Variants in ADCY9 observed in about 807,000 individuals in gnomAD.
The protein encoded by ADCY9 is adenylate cyclase type 9.
In ADCY9, 50 loss-of-function variants were observed where a neutral mutation model predicts 101.5. The ratio of observed to expected loss-of-function variants is 0.49; its 90% CI spans 0.39 to 0.62. The LOEUF (loss-of-function observed/expected upper bound fraction) is 0.62, where lower values mean the gene tolerates loss of function less well. Among genes scored for constraint, ADCY9 ranks in the 20% least tolerant of loss-of-function variants. The probability of loss-of-function intolerance (pLI) is 0.00; values close to 1 mark genes in which losing one functional copy is unlikely to be tolerated. For synonymous variants in ADCY9, 905 were observed against 769.3 expected (o/e 1.18, Z -2.92); for missense variants, 1,662 against 1,800.4 (o/e 0.92, Z 1.39).
chr16:3,988,975 C>T lies in ADCY9; in HGVS notation c.2310+19G>A. ...ACAAACACATTCTTTAGTAAAAGCG[C>T]AAGGAGAAATGAACGCACCTCTTCC... On this transcript the variant is annotated intron_variant, in intron 6 of 10. Transcript: ENST00000294016. 1 of 1,580,864 alleles carries T rather than the reference C, an allele frequency of 6.3e-7. No homozygotes were observed. The highest frequency in any genetic ancestry group is 8.7e-7 in the Non-Finnish European group (1 of 1,150,156).
intron 2 of ADCY9, among the ~76,000 whole-genome samples, chr16:4,051,428 G>A (rs954984229): frequency 5.3e-5 from 8 of 152,086 alleles, no homozygotes; most frequent in African/African-American, 1.9e-4. Flanking sequence ...GGAGACTGAG[G>A]CGGGAGAATG....
At chr16:3,988,454 T>TTCCCTTCCAGGGCAGGGGGGGGGG (rs2056214094) in intron 6 of ADCY9, among the ~76,000 whole-genome samples, 1 of 85,714 alleles carries the variant, frequency 1.2e-5, no homozygotes, top group African/African-American at 4.5e-5. Context: ...AGGTGGGGGG[T>TTCCCTTCCAGGGCAGGGGGGGGGG]TCCCTTCCAG....
chr16:4,061,266 C>T (rs568716877), intron 2 of ADCY9, among the ~76,000 whole-genome samples: 7 of 152,030 alleles, frequency 4.6e-5, no homozygotes, highest in East Asian at 1.9e-4. Context: ...CAAAAGAAAA[C>T]GAAGCAAAAG....
chr16:4,072,083 G>A (rs184382106), intron 2 of ADCY9, among the ~76,000 whole-genome samples: 3 of 152,296 alleles, frequency 2.0e-5, no homozygotes, highest in East Asian at 1.9e-4. Flanking sequence ...GACTGAAGAC[G>A]ATTTAAAAGC....
At position 4,071,711 on chromosome 16, in the gene ADCY9, T is replaced by C. The variant is rs541136871; in HGVS notation, c.1693+42039A>G. On this transcript the variant is annotated intron_variant, in intron 2 of 10. Transcript: ENST00000294016. ...CCATTTCCTGGCTGCAACAAGTCTC[T>C]AAAGAAGAACCGAGTTTTAATTTTC... 2.0e-5 allele frequency among the ~76,000 whole-genome samples: 3 copies of C among 152,320 alleles called. No homozygotes were observed. In the South Asian group the frequency reaches 6.2e-4, roughly 32 times the overall value.
At chr16:3,957,252 G>GA (rs2055912536) in intron 5 of ADCY9, among the ~76,000 whole-genome samples, 1 of 152,244 alleles carries the variant, frequency 6.6e-6, no homozygotes, top group South Asian at 2.1e-4. Flanking sequence ...CTGATAAACA[G>GA]AAAAGCCTTC....
intron 2 of ADCY9, among the ~76,000 whole-genome samples, chr16:4,096,729 T>C (rs2141194485): frequency 6.6e-6 from 1 of 152,342 alleles, no homozygotes; most frequent in South Asian, 2.1e-4. Flanking sequence ...GCCTTAATGG[T>C]ATATTGCATT....
intron 3 of ADCY9, among the ~76,000 whole-genome samples, chr16:3,997,464 T>C (rs2056296378): frequency 6.6e-6 from 1 of 152,182 alleles, no homozygotes; most frequent in Non-Finnish European, 1.5e-5. Context: ...TACATCCCCT[T>C]GAACAGAGGC....
downstream of ADCY9, among the ~76,000 whole-genome samples, chr16:3,960,561 A>G (rs953150348): frequency 1.3e-5 from 2 of 152,140 alleles, no homozygotes; most frequent in Non-Finnish European, 2.9e-5. Context: ...CAAAAAATCA[A>G]AAGTTGTTTT....
At chr16:4,095,215 G>A (rs2141192991) in intron 2 of ADCY9, among the ~76,000 whole-genome samples, 1 of 152,022 alleles carries the variant, frequency 6.6e-6, no homozygotes, top group Middle Eastern at 3.4e-3. Flanking sequence ...TGGCCAGGCT[G>A]ATCTCGAACT....
At position 4,099,357 on chromosome 16, in the gene ADCY9, T is replaced by C. The variant is rs75835965; in HGVS notation, c.1693+14393A>G. Among the ~76,000 whole-genome samples, 1,216 of 152,328 alleles carry C rather than the reference T, an allele frequency of 8.0e-3. 8 individuals carry two copies. Among genetic ancestry groups the C allele is most frequent in the Non-Finnish European group, 0.013 (901 of 68,028 alleles). On this transcript the variant is annotated intron_variant, in intron 2 of 10. Transcript: ENST00000294016. The stretch of plus-strand genomic sequence containing the variant: ...CAATTGTAGGAATGCAAATTAAAGC[T>C]TCCAAGGAACTCGAAGATGCACAAA...
At position 3,963,723 on chromosome 16, in the gene ADCY9, C is replaced by A. The variant is rs186140318; in HGVS notation, c.*2052G>T. The A allele has an allele frequency of 2.3e-5, 5 of 216,010 alleles. No individual in the cohort carries two copies. In the South Asian group the frequency reaches 5.6e-4, roughly 24 times the overall value. 13.4% of individuals were successfully genotyped at this position (216,010 alleles called of 1,614,324 possible). The stretch of plus-strand genomic sequence containing the variant: ...CGCCCAGCCCCTCAAAGCTACACAG[C>A]CTGGAGGGGAAAGGGGAGGGGAGGA... On this transcript the variant is annotated 3_prime_UTR_variant, in exon 11 of 11. Coordinates refer to ENST00000294016, the MANE Select transcript of ADCY9 (RefSeq NM_001116.4).
chr16:4,068,946 T>C (rs73492524), intron 2 of ADCY9, among the ~76,000 whole-genome samples: 543 of 152,278 alleles, frequency 3.6e-3, no homozygotes, highest in African/African-American at 0.012. Context: ...TAATAGATGT[T>C]CAAGTGATTT....
At chr16:4,085,149 G>A (rs141360876) in intron 2 of ADCY9, among the ~76,000 whole-genome samples, 2,319 of 152,254 alleles carry the variant, frequency 0.015, 52 homozygotes, top group Non-Finnish European at 0.026. Flanking sequence ...ATCGCTTGAG[G>A]TCAGGAGTTC....
chr16:4,035,299 T>C (rs892812059), intron 2 of ADCY9, among the ~76,000 whole-genome samples: 1 of 152,212 alleles, frequency 6.6e-6, no homozygotes, highest in African/African-American at 2.4e-5. Flanking sequence ...GATATATATT[T>C]ACTTATGCAT....
chr16:4,027,544 G>A (rs2601816), intron 2 of ADCY9, among the ~76,000 whole-genome samples: 1 of 152,200 alleles, frequency 6.6e-6, no homozygotes, highest in African/African-American at 2.4e-5. Context: ...TGACGGCAGG[G>A]AAGAGAGAGA....
chr16:4,109,299 G>C (rs535110486), intron 2 of ADCY9, among the ~76,000 whole-genome samples: 1 of 152,208 alleles, frequency 6.6e-6, no homozygotes, highest in South Asian at 2.1e-4. Flanking sequence ...GTGCAATCAC[G>C]GCTCTCTGCA....
intron 2 of ADCY9, among the ~76,000 whole-genome samples, chr16:4,016,419 A>G (rs1404071716): frequency 6.6e-6 from 1 of 152,140 alleles, no homozygotes; most frequent in Non-Finnish European, 1.5e-5. Context: ...CAGATGCCAC[A>G]GACGGGAGGG....
chr16:4,114,294 G>A lies in ADCY9; in HGVS notation c.1149C>T (p.Arg383=), dbSNP rs2057132877. 1 of 1,613,942 alleles carries A rather than the reference G, an allele frequency of 6.2e-7. No individual in the cohort carries two copies. Among genetic ancestry groups the A allele is most frequent in the Non-Finnish European group, 8.5e-7 (1 of 1,180,040 alleles). ...CTTCGATCTGCTGCATCTTAAAAGGGCGGAAGGCTATAGGAGCTTTTTGGA... is the reference window on the plus strand; with the variant it reads ...CTTCGATCTGCTGCATCTTAAAAGGACGGAAGGCTATAGGAGCTTTTTGGA... ...SSIQKAPIAF[R]PFKMQQIEEV... is the part of the protein sequence containing the mutation. The change falls in exon 2 of 11, where the codon CGC becomes CGT. Residue 383 remains arginine (R), a synonymous_variant. Transcript: ENST00000294016. This position sits in a 1 kb window ranked among gnomAD's most constrained non-coding sequence, Gnocchi z 4.3.
Sources: gnomAD v4.1 joint callset for allele counts (sites outside exome capture counted in the v4.1 genomes callset) on GRCh38, gnomAD v4.1.1 for gene constraint, Gnocchi (gnomAD v3.1) non-coding constraint, MANE v1.5 for transcripts, NCBI Gene and HGNC (gene_info 2026-07-23, HGNC 2026-07-21) for gene names.